Variants in ADGRA3 observed in about 807,000 individuals in gnomAD.
ADGRA3 encodes G-protein coupled receptor 125.
A neutral mutation model predicts 119.8 loss-of-function variants in ADGRA3; 56 were observed. That is an observed-to-expected ratio of 0.47 (90% CI 0.38 to 0.58). The LOEUF (loss-of-function observed/expected upper bound fraction) is 0.58. Among genes scored for constraint, ADGRA3 ranks in the 20% least tolerant of loss-of-function variants. The pLI is 0.00. For missense variants in ADGRA3, 1,516 were observed against 1,649.0 expected, an observed-to-expected ratio of 0.92 and a Z score of 1.40; for synonymous variants, 607 against 623.8, an observed-to-expected ratio of 0.97 and a Z score of 0.40.
chr4:22,474,764 T>C (rs769091504), intron 1 of ADGRA3, among the ~76,000 whole-genome samples: 1 of 152,048 alleles, frequency 6.6e-6, no homozygotes, highest in Non-Finnish European at 1.5e-5. Flanking sequence ...TTCTTCAACA[T>C]ACACTAATGT....
At chr4:22,490,931 A>G (rs533857159) in intron 1 of ADGRA3, among the ~76,000 whole-genome samples, 40 of 152,274 alleles carry the variant, frequency 2.6e-4, no homozygotes, top group African/African-American at 8.9e-4. Context: ...TCCTCTAGTC[A>G]GGTGTAAATG....
At chr4:22,398,137 G>T (rs1002349304) in intron 16 of ADGRA3, 17 of 983,244 alleles carry the variant, frequency 1.7e-5, no homozygotes, top group South Asian at 4.7e-5. Context: ...TGTAGTAACA[G>T]CCTAAAACAA....
At chr4:22,462,786 T>C (rs1182685813) in intron 2 of ADGRA3, among the ~76,000 whole-genome samples, 2 of 152,202 alleles carry the variant, frequency 1.3e-5, no homozygotes, top group African/African-American at 2.4e-5. Context: ...GCACTACCAC[T>C]TGGGGGTGGG....
At chr4:22,504,710 T>C (rs1719177098) in intron 1 of ADGRA3, among the ~76,000 whole-genome samples, 1 of 150,678 alleles carries the variant, frequency 6.6e-6, no homozygotes, top group South Asian at 2.1e-4. Flanking sequence ...GTAGCTGCCC[T>C]CAACTGGCTC....
At chr4:22,393,014 T>C (rs1283033910) in intron 16 of ADGRA3, 1 of 193,724 alleles carries the variant, frequency 5.2e-6, no homozygotes, top group Non-Finnish European at 1.0e-5. Flanking sequence ...ACATTATACA[T>C]TAGAGTTCAT....
chr4:22,472,618 G>C (rs1717896192), intron 2 of ADGRA3, among the ~76,000 whole-genome samples: 1 of 152,012 alleles, frequency 6.6e-6, no homozygotes, highest in African/African-American at 2.4e-5. Flanking sequence ...GAAAAGAACA[G>C]AGACACGCAT....
At chr4:22,433,232 A>T (rs371805003) in intron 10 of ADGRA3, among the ~76,000 whole-genome samples, 4 of 152,362 alleles carry the variant, frequency 2.6e-5, no homozygotes, top group African/African-American at 7.2e-5. Context: ...TATGTTAACC[A>T]GTAAAAGTGA....
chr4:22,440,551 C>G (rs1009857197), intron 7 of ADGRA3, among the ~76,000 whole-genome samples: 4 of 151,556 alleles, frequency 2.6e-5, no homozygotes, highest in Non-Finnish European at 5.9e-5. Context: ...ATGTCCCTAC[C>G]AAAAAAAATG....
chr4:22,396,781 A>G (rs1714373809), intron 16 of ADGRA3, among the ~76,000 whole-genome samples: 1 of 117,536 alleles, frequency 8.5e-6, no homozygotes, highest in Non-Finnish European at 1.9e-5. Flanking sequence ...TCCCTTTTGT[A>G]AACCTTTAAT....
intron 12 of ADGRA3, among the ~76,000 whole-genome samples, chr4:22,417,443 G>T (rs887319010): frequency 6.6e-6 from 1 of 152,164 alleles, no homozygotes; most frequent in Non-Finnish European, 1.5e-5. Context: ...AGGCACTGTG[G>T]TGAATGTCTA....
chr4:22,506,529 G>A (rs1411451779), intron 1 of ADGRA3, among the ~76,000 whole-genome samples: 1 of 152,032 alleles, frequency 6.6e-6, no homozygotes, highest in African/African-American at 2.4e-5. Flanking sequence ...CTCCAGCCTG[G>A]GTGACAGAGT....
intron 17 of ADGRA3, among the ~76,000 whole-genome samples, chr4:22,391,415 C>A (rs1453451906): frequency 6.6e-6 from 1 of 152,032 alleles, no homozygotes; most frequent in African/African-American, 2.4e-5. Context: ...CAACTTGCAG[C>A]CATCTTCAAA....
chr4:22,406,334 T>C (rs1186523781), intron 14 of ADGRA3, among the ~76,000 whole-genome samples: 1 of 152,226 alleles, frequency 6.6e-6, no homozygotes, highest in African/African-American at 2.4e-5. Flanking sequence ...TCTGAATATA[T>C]ACTCAGCAGT....
At chr4:22,481,165 T>C (rs1364877590) in intron 1 of ADGRA3, among the ~76,000 whole-genome samples, 1 of 152,212 alleles carries the variant, frequency 6.6e-6, no homozygotes, top group African/African-American at 2.4e-5. Context: ...CAACATTGTT[T>C]ATCAAGTACA....
chr4:22,411,054 A>T lies in ADGRA3; in HGVS notation c.2232+2128T>A, dbSNP rs536751998. Among the ~76,000 whole-genome samples the T allele has an allele frequency of 2.0e-3, 306 of 152,270 alleles. 2 individuals carry two copies. Among genetic ancestry groups the T allele is most frequent in the African/African-American group, 7.1e-3 (296 of 41,500 alleles). On this transcript the variant is annotated intron_variant, in intron 14 of 18. Transcript: ENST00000334304. ...TAGGAAGTTCACAAATAGATGCTTT[A>T]AACTGGTATTAGACTAAATAAAAAT...
chr4:22,512,979 C>G (rs1719501009), intron 1 of ADGRA3, among the ~76,000 whole-genome samples: 1 of 152,086 alleles, frequency 6.6e-6, no homozygotes, highest in Non-Finnish European at 1.5e-5. Flanking sequence ...GGACAGGAAT[C>G]TGGGACGTGG....
chr4:22,446,633 A>C (rs745320626), intron 5 of ADGRA3, among the ~76,000 whole-genome samples: 12 of 152,060 alleles, frequency 7.9e-5, no homozygotes, highest in Non-Finnish European at 1.3e-4. Flanking sequence ...AAGACTCCTA[A>C]ATGAGATTTA....
At chr4:22,487,056 G>A (rs1718453892) in intron 1 of ADGRA3, among the ~76,000 whole-genome samples, 1 of 152,078 alleles carries the variant, frequency 6.6e-6, no homozygotes, top group African/African-American at 2.4e-5. Flanking sequence ...GGGCTATTGT[G>A]CTCTCTCCTG....
intron 1 of ADGRA3, among the ~76,000 whole-genome samples, chr4:22,475,691 C>T (rs1211754669): frequency 6.6e-6 from 1 of 151,158 alleles, no homozygotes; most frequent in East Asian, 1.9e-4. Flanking sequence ...CGTGCCACTG[C>T]ACTCCAGCCT....
Sources: gnomAD v4.1 joint callset for allele counts (sites outside exome capture counted in the v4.1 genomes callset) on GRCh38, gnomAD v4.1.1 for gene constraint, MANE v1.5 for transcripts, NCBI Gene and HGNC (gene_info 2026-07-23, HGNC 2026-07-21) for gene names.